The following ESR2 variants were observed in gnomAD, a reference collection of about 807,000 sequenced individuals.
The protein encoded by ESR2 is estrogen receptor 2.
In ESR2, 36 loss-of-function variants were observed where a neutral mutation model predicts 49.6. The observed-to-expected ratio is 0.73, with a 90% CI of 0.56 to 0.96. ESR2 has a LOEUF of 0.96. Ranked by LOEUF, ESR2 falls within the 40% of genes least tolerant of loss-of-function variation. The pLI is 0.00. For synonymous variants in ESR2, 320 were observed against 266.1 expected (o/e 1.20, Z -1.97); for missense variants, 714 against 693.0 (o/e 1.03, Z -0.34).
In ESR2 at chr14:64,228,789, TAAA is replaced by T. The variant is rs1567721691; in HGVS notation, c.*4345_*4347del. On this transcript the variant is annotated 3_prime_UTR_variant, in exon 9 of 9. Coordinates refer to ENST00000341099, the MANE Select transcript of ESR2 (RefSeq NM_001437.3). ...TACAAGTGAATAGGATCCTCGGAATTAAAAAACAAACAAACAAACAAACAAAAA... is the reference window on the plus strand; with the variant it reads ...TACAAGTGAATAGGATCCTCGGAATTAAACAAACAAACAAACAAACAAAAA... 6.6e-6 allele frequency among the ~76,000 whole-genome samples: 1 copy of T among 151,758 alleles called. No homozygotes were observed. The highest frequency in any genetic ancestry group is 2.4e-5 in the African/African-American group (1 of 41,200).
At chr14:64,252,038 G>T (rs2075998018) in intron 6 of ESR2, among the ~76,000 whole-genome samples, 1 of 152,196 alleles carries the variant, frequency 6.6e-6, no homozygotes, top group Non-Finnish European at 1.5e-5. Flanking sequence ...AGGGCTGGCT[G>T]GGTAAAGTGG....
chr14:64,267,238 A>C (rs907701742), intron 4 of ESR2, among the ~76,000 whole-genome samples: 4 of 152,248 alleles, frequency 2.6e-5, no homozygotes, highest in African/African-American at 9.6e-5. Context: ...AATATGTTTG[A>C]GTAAATTTTA....
intron 2 of ESR2, 59 bp from the exon 3 acceptor site, chr14:64,280,212 T>TA (rs2076637012): frequency 3.2e-6 from 4 of 1,232,308 alleles, no homozygotes; most frequent in African/African-American, 2.9e-5. Context: ...AAGGGCTTTC[T>TA]AGGAAAAAAA....
At chr14:64,267,562 A>G (rs2076356681) in intron 4 of ESR2, among the ~76,000 whole-genome samples, 1 of 152,108 alleles carries the variant, frequency 6.6e-6, no homozygotes, top group South Asian at 2.1e-4. Context: ...GAGAATGCTC[A>G]CAAGGCAAAG....
At position 64,260,548 on chromosome 14, in the gene ESR2, G is replaced by A. The variant is rs767100418; in HGVS notation, c.853C>T (p.Pro285Ser). 8.9e-6 allele frequency: 14 copies of A among 1,579,994 alleles called. No individual in the cohort carries two copies. Among genetic ancestry groups the A allele is most frequent in the Non-Finnish European group, 1.2e-5 (14 of 1,162,282 alleles). Reference protein sequence around the residue: ...AEPPHVLISRPSAPFTEASMM... With the variant: ...AEPPHVLISRSSAPFTEASMM... ...GAGGCCTCGGTGAAGGGCGCACTGG[G>A]GCGGCTGATCAGCACATGGGGCGGC... The change falls in exon 5 of 9, where the codon CCC (proline) becomes TCC (serine). Residue 285 changes from proline (P) to serine (S), a missense_variant. Pro to Ser is a moderately conservative substitution (Grantham distance 74). Coordinates refer to ENST00000341099, the MANE Select transcript of ESR2 (RefSeq NM_001437.3).
chr14:64,298,782 A>T (rs1596472133), upstream of ESR2, among the ~76,000 whole-genome samples: 1 of 152,216 alleles, frequency 6.6e-6, no homozygotes, highest in African/African-American at 2.4e-5. Context: ...GGTAAAAAAT[A>T]ACTTTTTGTC....
chr14:64,322,518 GA>G (rs35866794), intron 1 of ESR2, among the ~76,000 whole-genome samples: 11,223 of 86,446 alleles, frequency 0.13, 382 homozygotes, highest in Middle Eastern at 0.21. Flanking sequence ...CCACAGAAAG[GA>G]AAAAAAAAAA....
intron 1 of ESR2, among the ~76,000 whole-genome samples, chr14:64,318,588 T>G (rs1294442773): frequency 1.5e-5 from 2 of 131,742 alleles, no homozygotes; most frequent in Non-Finnish European, 3.3e-5. Flanking sequence ...TCAAGCAAGT[T>G]AAATACTTAG....
At chr14:64,290,195 C>T (rs905991591) in intron 1 of ESR2, among the ~76,000 whole-genome samples, 1 of 151,960 alleles carries the variant, frequency 6.6e-6, no homozygotes, top group South Asian at 2.1e-4. Flanking sequence ...ACTCAGCCCC[C>T]CAAGTAGCTG....
intron 3 of ESR2, among the ~76,000 whole-genome samples, chr14:64,275,192 G>C (rs186779975): frequency 2.2e-4 from 34 of 152,272 alleles, no homozygotes; most frequent in African/African-American, 7.7e-4. Context: ...TGAAAGTGGA[G>C]TGTTAAAGTG....
intron 3 of ESR2, among the ~76,000 whole-genome samples, chr14:64,275,313 G>A (rs2076535679): frequency 6.6e-6 from 1 of 152,118 alleles, no homozygotes; most frequent in African/African-American, 2.4e-5. Flanking sequence ...TTGCTGAATT[G>A]ACATCTTTAT....
chr14:64,265,878 T>A (rs1042359295), intron 4 of ESR2, among the ~76,000 whole-genome samples: 14 of 152,080 alleles, frequency 9.2e-5, no homozygotes, highest in Admixed American at 6.5e-5. Flanking sequence ...GAATCTCTAG[T>A]CCTCCAAACC....
Position 64,249,694 on chromosome 14 carries a change from T to A in ESR2, c.1092-15A>T. The A allele has an allele frequency of 6.2e-7, 1 of 1,600,862 alleles. No homozygotes were observed. The highest frequency in any genetic ancestry group is 1.1e-5 in the South Asian group (1 of 89,240). On this transcript the variant is annotated splice_polypyrimidine_tract_variant and intron_variant, in intron 6 of 8. Coordinates refer to ENST00000341099, the MANE Select transcript of ESR2 (RefSeq NM_001437.3). ...TCCCCTCATCCCTACAAAAGTTCGT[T>A]TGGAAATTTAAGGAACATAGCTTCA...
chr14:64,259,881 C>T (rs1166268168), intron 5 of ESR2, among the ~76,000 whole-genome samples: 2 of 152,200 alleles, frequency 1.3e-5, no homozygotes, highest in Admixed American at 1.3e-4. Context: ...TACTCTACCC[C>T]ACCCCTCCTT....
intron 7 of ESR2, among the ~76,000 whole-genome samples, chr14:64,247,455 T>C (rs1256055): frequency 0.043 from 6,525 of 152,284 alleles, 513 homozygotes; most frequent in East Asian, 0.37. Context: ...CAGTGAATTC[T>C]GCATTGAATC....
At chr14:64,310,777 C>G (rs1322832914) in intron 1 of ESR2, among the ~76,000 whole-genome samples, 2 of 152,026 alleles carry the variant, frequency 1.3e-5, no homozygotes, top group African/African-American at 2.4e-5. Context: ...AGAACTTTTA[C>G]GTACAGTACT....
intron 1 of ESR2, among the ~76,000 whole-genome samples, chr14:64,285,877 T>G (rs1247504813): frequency 6.6e-6 from 1 of 150,796 alleles, no homozygotes; most frequent in Non-Finnish European, 1.5e-5. Context: ...GAAATTCAGA[T>G]TTTTAGCTCC....
At chr14:64,247,220 C>A (rs374964821) in intron 7 of ESR2, among the ~76,000 whole-genome samples, 1 of 152,322 alleles carries the variant, frequency 6.6e-6, no homozygotes, top group Non-Finnish European at 1.5e-5. Flanking sequence ...ATATTATAAA[C>A]TAGGACTTGT....
rs142397165 is a variant in ESR2, at chr14:64,310,888, A to G, written c.-91+27010T>C. Among the ~76,000 whole-genome samples the G allele has an allele frequency of 5.5e-3, 843 of 152,284 alleles. 8 individuals are homozygous for G. The highest frequency in any genetic ancestry group is 0.019 in the African/African-American group (797 of 41,558). ...TAGATACAACAAAAATTGCATATTGATTTCAAAATATCATTTATATCTCAT... is the reference window on the plus strand; with the variant it reads ...TAGATACAACAAAAATTGCATATTGGTTTCAAAATATCATTTATATCTCAT... On this transcript the variant is annotated intron_variant, in intron 1 of 8. Coordinates refer to the ESR2 transcript ENST00000358599.
Sources: gnomAD v4.1 joint callset for allele counts (sites outside exome capture counted in the v4.1 genomes callset) on GRCh38, gnomAD v4.1.1 for gene constraint, MANE v1.5 for transcripts, NCBI Gene and HGNC (gene_info 2026-07-23, HGNC 2026-07-21) for gene names.